Variants in LRRTM3 observed in about 807,000 individuals in gnomAD.
The protein encoded by LRRTM3 is leucine-rich repeat transmembrane neuronal protein 3.
A neutral mutation model predicts 44.7 loss-of-function variants in LRRTM3; 24 were observed. That is an observed-to-expected ratio of 0.54 (90% CI 0.39 to 0.76). The LOEUF (loss-of-function observed/expected upper bound fraction) is 0.76. LRRTM3 is among the 30% of genes least tolerant of loss of function. LRRTM3 has a pLI of 0.00. For missense variants in LRRTM3, 587 were observed against 702.2 expected (o/e 0.84, Z 1.85); for synonymous variants, 277 against 278.7 (o/e 0.99, Z 0.06).
chr10:66,934,094 G>T (rs1847558346), intron 2 of LRRTM3, among the ~76,000 whole-genome samples: 1 of 151,954 alleles, frequency 6.6e-6, no homozygotes, highest in African/African-American at 2.4e-5. Flanking sequence ...TCTGGGACAT[G>T]ATATAAGACC....
chr10:67,100,209 A>G lies in LRRTM3; in HGVS notation c.*2413A>G, dbSNP rs988075198. On this transcript the variant is annotated 3_prime_UTR_variant, in exon 3 of 3. Coordinates refer to ENST00000361320, the MANE Select transcript of LRRTM3 (RefSeq NM_178011.5). ...TGAAGGAAACCACTTTCTTTCTTAA[A>G]TATTTTAAATTCATCTAAAGTGAAC... is the stretch of plus-strand genomic sequence containing the variant. Among the ~76,000 whole-genome samples, 1 of 151,694 alleles carries G rather than the reference A, an allele frequency of 6.6e-6. No homozygotes were observed. Among genetic ancestry groups the G allele is most frequent in the Non-Finnish European group, 1.5e-5 (1 of 67,794 alleles).
At chr10:67,071,534 A>G (rs1293139669) in intron 2 of LRRTM3, among the ~76,000 whole-genome samples, 1 of 150,920 alleles carries the variant, frequency 6.6e-6, no homozygotes, top group Non-Finnish European at 1.5e-5. Flanking sequence ...CTTTGACTTC[A>G]TTTAAGATCT....
chr10:67,056,804 C>T (rs1434774840), intron 2 of LRRTM3, among the ~76,000 whole-genome samples: 1 of 152,114 alleles, frequency 6.6e-6, no homozygotes, highest in Non-Finnish European at 1.5e-5. Flanking sequence ...CAGGATGAAA[C>T]AAAAGACAAA....
intron 2 of LRRTM3, among the ~76,000 whole-genome samples, chr10:67,068,594 T>C (rs1200383578): frequency 6.6e-6 from 1 of 152,144 alleles, no homozygotes; most frequent in African/African-American, 2.4e-5. Context: ...TCTTATATTT[T>C]AGTAATTATC....
chr10:67,089,155 A>G (rs1284373402), intron 2 of LRRTM3, among the ~76,000 whole-genome samples: 1 of 151,976 alleles, frequency 6.6e-6, no homozygotes, highest in East Asian at 1.9e-4. Context: ...CCTAGAGCCA[A>G]TCCCCCATGG....
At chr10:66,943,855 A>G (rs1047477669) in intron 2 of LRRTM3, among the ~76,000 whole-genome samples, 2 of 152,200 alleles carry the variant, frequency 1.3e-5, no homozygotes, top group Non-Finnish European at 2.9e-5. Flanking sequence ...GTGCAGTAGC[A>G]CTATGTCAAA....
At chr10:67,000,980 T>G (rs1851649971) in intron 2 of LRRTM3, among the ~76,000 whole-genome samples, 1 of 151,478 alleles carries the variant, frequency 6.6e-6, no homozygotes, top group African/African-American at 2.4e-5. Context: ...AGAGAGAAAA[T>G]AGGAAGGAAT....
intron 2 of LRRTM3, 25 bp downstream of exon 2, chr10:66,928,477 G>C: frequency 6.5e-7 from 1 of 1,549,618 alleles, no homozygotes; most frequent in Non-Finnish European, 8.7e-7. Flanking sequence ...GATAAAAAGA[G>C]CTCTTAAAAG....
intron 2 of LRRTM3, among the ~76,000 whole-genome samples, chr10:67,026,771 T>C (rs1853416387): frequency 6.6e-6 from 1 of 152,330 alleles, no homozygotes; most frequent in Admixed American, 6.5e-5. Flanking sequence ...AAAGAGTTGA[T>C]TGACATAAGG....
intron 2 of LRRTM3, among the ~76,000 whole-genome samples, chr10:67,022,603 T>C (rs1425350844): frequency 1.3e-5 from 2 of 152,150 alleles, no homozygotes; most frequent in Non-Finnish European, 2.9e-5. Flanking sequence ...CAAAGGTAAG[T>C]ATACTATTTT....
chr10:67,046,308 C>T (rs1854740309), intron 2 of LRRTM3, among the ~76,000 whole-genome samples: 1 of 152,138 alleles, frequency 6.6e-6, no homozygotes, highest in African/African-American at 2.4e-5. Flanking sequence ...ACGTTGCTAC[C>T]ATAAATCAAA....
chr10:67,018,624 G>A (rs1358200423), intron 2 of LRRTM3, among the ~76,000 whole-genome samples: 2 of 152,198 alleles, frequency 1.3e-5, no homozygotes, highest in Non-Finnish European at 2.9e-5. Context: ...GAGCCAGAAT[G>A]CCTGGGTGTG....
intron 2 of LRRTM3, among the ~76,000 whole-genome samples, chr10:67,017,053 G>C (rs900322423): frequency 6.6e-6 from 1 of 152,094 alleles, no homozygotes; most frequent in Non-Finnish European, 1.5e-5. Context: ...AAATTAATGA[G>C]CCAAGATCTG....
intron 2 of LRRTM3, among the ~76,000 whole-genome samples, chr10:66,961,329 TA>T (rs1398998382): frequency 1.3e-5 from 2 of 152,130 alleles, no homozygotes; most frequent in Non-Finnish European, 2.9e-5. Context: ...AGGCCATCAA[TA>T]AACTCCACAT....
At chr10:66,942,616 G>A (rs898448736) in intron 2 of LRRTM3, among the ~76,000 whole-genome samples, 1 of 151,430 alleles carries the variant, frequency 6.6e-6, no homozygotes, top group African/African-American at 2.4e-5. Flanking sequence ...GCGTGTGTGT[G>A]CATGTGTCTC....
At chr10:67,027,719 G>A (rs1334711766) in intron 2 of LRRTM3, among the ~76,000 whole-genome samples, 4 of 152,172 alleles carry the variant, frequency 2.6e-5, no homozygotes, top group East Asian at 1.9e-4. Flanking sequence ...ATGAGCCACC[G>A]TGCCCGGCTG....
chr10:67,077,374 T>C (rs1037047020), intron 2 of LRRTM3, among the ~76,000 whole-genome samples: 1 of 152,152 alleles, frequency 6.6e-6, no homozygotes, highest in South Asian at 2.1e-4. Context: ...TATAAAATGG[T>C]CCACAAGGAA....
At chr10:66,951,171 A>C (rs2132721346) in intron 2 of LRRTM3, among the ~76,000 whole-genome samples, 1 of 149,866 alleles carries the variant, frequency 6.7e-6, no homozygotes, top group South Asian at 2.1e-4. Flanking sequence ...GGAGTGCTGG[A>C]GTGGCGTGAT....
At chr10:66,947,953 T>A (rs190562431) in intron 2 of LRRTM3, among the ~76,000 whole-genome samples, 2 of 152,220 alleles carry the variant, frequency 1.3e-5, no homozygotes, top group Non-Finnish European at 2.9e-5. Context: ...CTAGGCTATA[T>A]GGTATAGGCT....
Sources: allele counts gnomAD v4.1 joint callset (sites outside exome capture counted in the v4.1 genomes callset), GRCh38; gene constraint gnomAD v4.1.1; transcripts MANE v1.5; gene names NCBI Gene and HGNC (gene_info 2026-07-23, HGNC 2026-07-21).